PXDNL: variants seen among roughly 807,000 people sequenced by gnomAD.
The protein encoded by PXDNL is peroxidasin like, also known as probable oxidoreductase PXDNL.
Under a neutral mutation model 150.8 loss-of-function variants are expected in PXDNL, and 145 were observed. That is an observed-to-expected ratio of 0.96 (90% CI 0.84 to 1.10). The LOEUF (loss-of-function observed/expected upper bound fraction) is 1.10, where lower values mean the gene tolerates loss of function less well. Among genes scored for constraint, PXDNL ranks in the 50% least tolerant of loss-of-function variants. The pLI is 0.00. For missense variants in PXDNL, 2,087 were observed against 1,873.9 expected (o/e 1.11, Z -2.10); for synonymous variants, 757 against 725.7 (o/e 1.04, Z -0.69).
chr8:51,641,798 C>T (rs1015860382), intron 2 of PXDNL, among the ~76,000 whole-genome samples: 3,165 of 152,084 alleles, frequency 0.021, 114 homozygotes, highest in African/African-American at 0.073. Context: ...GTCAGTGTGG[C>T]GATTCCTCAG....
intron 1 of PXDNL, among the ~76,000 whole-genome samples, chr8:51,803,849 G>A (rs1243903503): frequency 5.3e-5 from 8 of 152,142 alleles, no homozygotes; most frequent in Non-Finnish European, 1.0e-4. Context: ...TTAGCCCAAT[G>A]ACTTTCAGAA....
chr8:51,576,813 G>T (rs1395512138), intron 3 of PXDNL, among the ~76,000 whole-genome samples: 1 of 151,542 alleles, frequency 6.6e-6, no homozygotes, highest in Non-Finnish European at 1.5e-5. Flanking sequence ...ACCAATATGA[G>T]AAAATCACTA....
chr8:51,803,241 C>G (rs1398126017), intron 1 of PXDNL, among the ~76,000 whole-genome samples: 1 of 152,172 alleles, frequency 6.6e-6, no homozygotes, highest in Non-Finnish European at 1.5e-5. Context: ...AGACAGGAAG[C>G]TCTCAGTTAC....
intron 5 of PXDNL, 30 bp from the exon 6 acceptor site, chr8:51,483,744 C>T: frequency 5.0e-6 from 6 of 1,193,824 alleles, no homozygotes; most frequent in Non-Finnish European, 7.2e-6. Context: ...CTTTAATCAC[C>T]ATACAATAAT....
chr8:51,495,924 A>G (rs941061795), intron 5 of PXDNL, among the ~76,000 whole-genome samples: 5 of 152,194 alleles, frequency 3.3e-5, no homozygotes, highest in Admixed American at 3.3e-4. Context: ...TCTCTAACTC[A>G]TTTTATGAGG....
intron 7 of PXDNL, among the ~76,000 whole-genome samples, 189 bp downstream of exon 7, chr8:51,474,783 G>A (rs1004918851): frequency 3.3e-5 from 5 of 152,144 alleles, no homozygotes; most frequent in African/African-American, 1.2e-4. Context: ...TTAATTTTAT[G>A]TTGATAAAAA....
In PXDNL at chr8:51,771,256, C is replaced by T. The variant is rs1317352214; in HGVS notation, c.164+37925G>A. 2.0e-5 allele frequency among the ~76,000 whole-genome samples: 3 copies of T among 152,016 alleles called. No individual in the cohort carries two copies. In the East Asian group the frequency reaches 5.8e-4, roughly 29 times the overall value. Reference sequence around the variant, plus strand: ...GGGAACGTTTCAAAACAAACAAAGCCAATCCACAGCAGTCCTATATGACAA... The same window carrying T: ...GGGAACGTTTCAAAACAAACAAAGCTAATCCACAGCAGTCCTATATGACAA... On this transcript the variant is annotated intron_variant, in intron 1 of 22. Coordinates refer to ENST00000356297, the MANE Select transcript of PXDNL (RefSeq NM_144651.5).
At chr8:51,581,202 G>A (rs1356771045) in intron 3 of PXDNL, among the ~76,000 whole-genome samples, 4 of 152,054 alleles carry the variant, frequency 2.6e-5, no homozygotes, top group Admixed American at 2.0e-4. Context: ...CATCTGTAAG[G>A]TTGACCTTGT....
At chr8:51,746,316 C>G (rs1374265495) in intron 1 of PXDNL, among the ~76,000 whole-genome samples, 1 of 152,230 alleles carries the variant, frequency 6.6e-6, no homozygotes, top group Non-Finnish European at 1.5e-5. Context: ...TGCCCTAGAA[C>G]AGTCCCACCC....
chr8:51,521,047 A>G (rs373993774), intron 4 of PXDNL, among the ~76,000 whole-genome samples: 6 of 152,242 alleles, frequency 3.9e-5, no homozygotes, highest in African/African-American at 1.4e-4. Flanking sequence ...AGCCCGGGCA[A>G]CAGAGCACAT....
At chr8:51,785,194 C>T (rs1391338000) in intron 1 of PXDNL, among the ~76,000 whole-genome samples, 1 of 151,898 alleles carries the variant, frequency 6.6e-6, no homozygotes, top group Non-Finnish European at 1.5e-5. Context: ...CTCCAGAATC[C>T]ACTGTTTTGA....
chr8:51,605,386 C>T (rs964763883), intron 2 of PXDNL, among the ~76,000 whole-genome samples: 3 of 151,808 alleles, frequency 2.0e-5, no homozygotes, highest in South Asian at 2.1e-4. Context: ...CTATTTGTTG[C>T]CAGTGGGTTA....
intron 1 of PXDNL, among the ~76,000 whole-genome samples, chr8:51,729,326 C>CA (rs71237232): frequency 0.92 from 139,510 of 152,180 alleles, 64,293 homozygotes; most frequent in South Asian, 0.96. Context: ...AATAAGAAAA[C>CA]AAAAAATGGG....
chr8:51,482,914 C>T (rs1563431495), intron 6 of PXDNL, among the ~76,000 whole-genome samples: 1 of 152,156 alleles, frequency 6.6e-6, no homozygotes, highest in South Asian at 2.1e-4. Flanking sequence ...ATGATGGATA[C>T]ACCTGTGTGA....
chr8:51,772,166 AGCACT>A (rs2037303120), intron 1 of PXDNL, among the ~76,000 whole-genome samples: 1 of 151,756 alleles, frequency 6.6e-6, no homozygotes, highest in Non-Finnish European at 1.5e-5. Flanking sequence ...ATGAACCAGC[AGCACT>A]GCCTGGCTCT....
intron 16 of PXDNL, among the ~76,000 whole-genome samples, chr8:51,410,970 T>C (rs1422306019): frequency 6.6e-6 from 1 of 152,224 alleles, no homozygotes; most frequent in Non-Finnish European, 1.5e-5. Flanking sequence ...TAATATCTTT[T>C]ACATTTGAAA....
rs143004029 is a variant in PXDNL, at chr8:51,453,908, C to CATAT, written c.983-127_983-124dup. On this transcript the variant is annotated intron_variant, in intron 9 of 22. Coordinates refer to ENST00000356297, the MANE Select transcript of PXDNL (RefSeq NM_144651.5). Reference sequence around the variant, plus strand: ...AATTCCTTTAAACTAAAATATTACACATATATATATATACACATTTAATTC... The same window carrying CATAT: ...AATTCCTTTAAACTAAAATATTACACATATATATATATATATACACATTTAATTC... 2,434 of 781,716 alleles carry CATAT rather than the reference C, an allele frequency of 3.1e-3. 14 individuals are homozygous for CATAT. Among genetic ancestry groups the CATAT allele is most frequent in the African/African-American group, 0.022 (1,222 of 55,912 alleles). 48.4% of individuals were successfully genotyped at this position (781,716 alleles called of 1,614,324 possible).
At chr8:51,638,603 A>G (rs1282993531) in intron 2 of PXDNL, among the ~76,000 whole-genome samples, 1 of 152,198 alleles carries the variant, frequency 6.6e-6, no homozygotes, top group African/African-American at 2.4e-5. Flanking sequence ...AGAGACAAAG[A>G]AGGCCATTAC....
chr8:51,674,023 G>A (rs1348977168), intron 1 of PXDNL, among the ~76,000 whole-genome samples: 1 of 152,064 alleles, frequency 6.6e-6, no homozygotes, highest in African/African-American at 2.4e-5. Flanking sequence ...TGAGTGTATG[G>A]GCCCTACATG....
Sources: allele counts gnomAD v4.1 joint callset (sites outside exome capture counted in the v4.1 genomes callset), GRCh38; gene constraint gnomAD v4.1.1; transcripts MANE v1.5; gene names NCBI Gene and HGNC (gene_info 2026-07-23, HGNC 2026-07-21).